The following PPFIBP1 variants were observed in gnomAD, a reference collection of about 807,000 sequenced individuals.
PPFIBP1 encodes the protein PPFIB scaffold protein 1, also known as liprin-beta-1.
PPFIBP1 carries 112 observed loss-of-function variants against 137.8 expected under a neutral mutation model. The observed-to-expected ratio is 0.81, with a 90% CI of 0.70 to 0.95. The LOEUF (loss-of-function observed/expected upper bound fraction) is 0.95. PPFIBP1 is among the 40% of genes least tolerant of loss of function. PPFIBP1 has a pLI of 0.00. For synonymous variants in PPFIBP1, 378 were observed against 417.3 expected (o/e 0.91, Z 1.15); for missense variants, 1,083 against 1,196.6 (o/e 0.91, Z 1.40).
At chr12:27,535,342 A>C (rs1944871822) in intron 1 of PPFIBP1, among the ~76,000 whole-genome samples, 1 of 152,180 alleles carries the variant, frequency 6.6e-6, no homozygotes, top group African/African-American at 2.4e-5. Flanking sequence ...TAAGCAGTGA[A>C]GTTTTTAGCA....
intron 2 of PPFIBP1, among the ~76,000 whole-genome samples, chr12:27,584,613 T>C (rs2051499272): frequency 6.6e-6 from 1 of 152,230 alleles, no homozygotes; most frequent in South Asian, 2.1e-4. Flanking sequence ...CCAGTCCCAC[T>C]GTGTGGTTCA....
intron 2 of PPFIBP1, among the ~76,000 whole-genome samples, chr12:27,603,449 A>G (rs1357099823): frequency 6.6e-6 from 1 of 152,240 alleles, no homozygotes; most frequent in Non-Finnish European, 1.5e-5. Flanking sequence ...AATGTCAGAC[A>G]TAGACTACTT....
intron 2 of PPFIBP1, among the ~76,000 whole-genome samples, chr12:27,609,853 G>A (rs1472768930): frequency 6.6e-6 from 1 of 152,176 alleles, no homozygotes; most frequent in Non-Finnish European, 1.5e-5. Context: ...TATCCCAGGG[G>A]TATCCATGGA....
At chr12:27,606,422 C>T (rs2054529093) in intron 2 of PPFIBP1, among the ~76,000 whole-genome samples, 2 of 152,164 alleles carry the variant, frequency 1.3e-5, no homozygotes, top group Non-Finnish European at 2.9e-5. Context: ...TTTTTTAGCT[C>T]TACGACTGTG....
chr12:27,672,609 G>A (rs1409568645), intron 15 of PPFIBP1, 126 bp downstream of exon 15: 2 of 732,818 alleles, frequency 2.7e-6, no homozygotes, highest in African/African-American at 1.8e-5. Context: ...ATAAATCAAT[G>A]TAGCTATAAT....
Position 27,661,959 on chromosome 12 carries a change from A to AT in PPFIBP1, c.906+1023dup, listed in dbSNP as rs1034303952. 8.6e-5 allele frequency among the ~76,000 whole-genome samples: 13 copies of AT among 151,356 alleles called. No individual in the cohort carries two copies. The South Asian group carries it at 1.9e-3, about 22-fold the overall frequency. On this transcript the variant is annotated intron_variant, in intron 11 of 29. Coordinates refer to ENST00000228425, the MANE Select transcript of PPFIBP1 (RefSeq NM_003622.4). Reference sequence around the variant, plus strand: ...TAGCAAGCTGCCCACTGTAACTTTTATTTTTTTTTAAATCACTGAAATTCA... The same window carrying AT: ...TAGCAAGCTGCCCACTGTAACTTTTATTTTTTTTTTAAATCACTGAAATTCA...
intron 4 of PPFIBP1, among the ~76,000 whole-genome samples, chr12:27,641,838 A>G (rs2058124766): frequency 6.6e-6 from 1 of 152,116 alleles, no homozygotes; most frequent in Admixed American, 6.5e-5. Context: ...GGGCGGGACA[A>G]TGATCGGGAT....
At chr12:27,640,315 T>C (rs1427954671) in intron 4 of PPFIBP1, among the ~76,000 whole-genome samples, 2 of 152,190 alleles carry the variant, frequency 1.3e-5, no homozygotes, top group Non-Finnish European at 2.9e-5. Flanking sequence ...AGGGACTTTT[T>C]CTTGGTCTCA....
At chr12:27,553,996 G>A (rs1947038614) in intron 1 of PPFIBP1, among the ~76,000 whole-genome samples, 1 of 152,240 alleles carries the variant, frequency 6.6e-6, no homozygotes, top group Non-Finnish European at 1.5e-5. Context: ...GGCAGAAAAA[G>A]GCATCTTTTG....
At position 27,690,917 on chromosome 12, in the gene PPFIBP1, C is replaced by A. The variant is rs561568507; in HGVS notation, c.2686-832C>A. 4.0e-5 allele frequency among the ~76,000 whole-genome samples: 6 copies of A among 151,752 alleles called. No individual in the cohort carries two copies. In the South Asian group the frequency reaches 1.3e-3, roughly 32 times the overall value. On this transcript the variant is annotated intron_variant, in intron 27 of 29. Transcript: ENST00000228425. ...TTACTTTTTCTTCTTTAAAATTAATCCTAGATTAACTCTTCTAAATATGTT... is the reference window on the plus strand; with the variant it reads ...TTACTTTTTCTTCTTTAAAATTAATACTAGATTAACTCTTCTAAATATGTT...
intron 9 of PPFIBP1, 125 bp downstream of exon 9, chr12:27,656,855 G>T (rs765521311): frequency 4.7e-6 from 3 of 645,136 alleles, no homozygotes; most frequent in Non-Finnish European, 5.5e-6. Context: ...ATCCAGCCAG[G>T]ACCAGAACCA....
At chr12:27,667,043 C>G in intron 12 of PPFIBP1, 123 bp from the exon 13 acceptor site, 11 of 1,005,286 alleles carry the variant, frequency 1.1e-5, no homozygotes, top group Non-Finnish European at 1.5e-5. Flanking sequence ...GAGAAGCTGA[C>G]TCTGATTTTT....
chr12:27,586,403 A>G (rs2137114788), intron 2 of PPFIBP1, among the ~76,000 whole-genome samples: 1 of 152,324 alleles, frequency 6.6e-6, no homozygotes, highest in South Asian at 2.1e-4. Context: ...AAAAATGTTA[A>G]TAAAGACTAT....
intron 2 of PPFIBP1, among the ~76,000 whole-genome samples, chr12:27,584,861 TA>T (rs2051541252): frequency 6.6e-6 from 1 of 152,194 alleles, no homozygotes; most frequent in South Asian, 2.1e-4. Flanking sequence ...GGCCAGCACC[TA>T]GGGGCACCTC....
At chr12:27,563,376 G>A (rs1362381429) in intron 1 of PPFIBP1, among the ~76,000 whole-genome samples, 2 of 144,508 alleles carry the variant, frequency 1.4e-5, no homozygotes, top group South Asian at 2.3e-4. Flanking sequence ...AGAATTGCTT[G>A]AACCTGGGAG....
intron 2 of PPFIBP1, among the ~76,000 whole-genome samples, chr12:27,610,685 C>T (rs373098798): frequency 5.9e-5 from 9 of 152,252 alleles, no homozygotes; most frequent in South Asian, 4.2e-4. Context: ...ATAAAACTAT[C>T]CATCAATCAT....
At position 27,682,403 on chromosome 12, in the gene PPFIBP1, A is replaced by G; in HGVS notation, c.2063A>G (p.His688Arg). The stretch of plus-strand genomic sequence containing the variant: ...TTGTTTCAGGAACTTGGAATCAAGC[A>G]TTCACTTCATCGAAAGAAACTCCAG... ...QDLEKELGIK[H>R]SLHRKKLQLA... is the part of the protein sequence containing the mutation. The change falls in exon 23 of 30, where the codon CAT (histidine) becomes CGT (arginine). Residue 688 changes from histidine to arginine, a missense_variant. By Grantham distance (29) the His-to-Arg change is conservative. Transcript: ENST00000228425. 1.9e-6 allele frequency: 3 copies of G among 1,611,964 alleles called. No homozygotes were observed. Among genetic ancestry groups the G allele is most frequent in the Non-Finnish European group, 2.5e-6 (3 of 1,178,028 alleles).
At chr12:27,670,791 AAAAAAT>A (rs2060139779) in intron 13 of PPFIBP1, among the ~76,000 whole-genome samples, 2 of 138,766 alleles carry the variant, frequency 1.4e-5, no homozygotes, top group African/African-American at 5.3e-5. Flanking sequence ...AAAAAAAAAA[AAAAAAT>A]AATAATAATA....
chr12:27,646,076 A>G lies in PPFIBP1; in HGVS notation c.285A>G (p.Leu95=). 1 of 1,608,438 alleles carries G rather than the reference A, an allele frequency of 6.2e-7. No individual in the cohort carries two copies. Among genetic ancestry groups the G allele is most frequent in the South Asian group, 1.1e-5 (1 of 90,926 alleles). ...TCCTTTTTCAGACAAATGGACACCT[A>G]CCAGGGAACGGAGATGTGTATCAAG... ...WLQSQMTNGH[L]PGNGDVYQER... Residue 95 remains leucine, a synonymous_variant, in exon 5 of 30, where the codon CTA becomes CTG. Coordinates refer to ENST00000228425, the MANE Select transcript of PPFIBP1 (RefSeq NM_003622.4).
Sources: gnomAD v4.1 joint callset for allele counts (sites outside exome capture counted in the v4.1 genomes callset) on GRCh38, gnomAD v4.1.1 for gene constraint, MANE v1.5 for transcripts, NCBI Gene and HGNC (gene_info 2026-07-23, HGNC 2026-07-21) for gene names.